SOX5: variants seen among roughly 807,000 people sequenced by gnomAD.
SOX5 encodes SRY-box transcription factor 5.
In SOX5, 9 loss-of-function variants were observed where a neutral mutation model predicts 92.0. The ratio of observed to expected loss-of-function variants is 0.10; its 90% confidence interval spans 0.06 to 0.17. The LOEUF is 0.17. SOX5 is among the 10% of genes least tolerant of loss of function. SOX5 has a pLI of 1.00. For missense variants in SOX5, 642 were observed against 944.5 expected (o/e 0.68, Z 4.20); for synonymous variants, 344 against 336.3 (o/e 1.02, Z -0.25).
rs929277250 is a variant in SOX5, at chr12:23,662,571, C to T, written c.931+2873G>A. ...CATTTTGTGGGTTTCCATTCCACAC[C>T]ATATTTCAGCTGTTATATATTTCTT... On this transcript the variant is annotated intron_variant, in intron 7 of 14. Transcript: ENST00000451604. Among the ~76,000 whole-genome samples, 2 of 152,150 alleles carry T rather than the reference C, an allele frequency of 1.3e-5. 1 individual carries two copies. The highest frequency in any genetic ancestry group is 4.1e-4 in the South Asian group (2 of 4,830).
At position 23,821,409 on chromosome 12, in the gene SOX5, G is replaced by A. The variant is rs151304613; in HGVS notation, c.481+24574C>T. ...ACTTCCTCTCTTCCTATTTGAATAC[G>A]CTTTATTTCTTTCTCTTGCCTGACT... On this transcript the variant is annotated intron_variant, in intron 3 of 14. Coordinates refer to ENST00000451604, the MANE Select transcript of SOX5 (RefSeq NM_006940.6). Among the ~76,000 whole-genome samples, 1,275 of 152,178 alleles carry A rather than the reference G, an allele frequency of 8.4e-3. 9 individuals are homozygous for A. The highest frequency in any genetic ancestry group is 0.027 in the Middle Eastern group (8 of 294).
intron 4 of SOX5, among the ~76,000 whole-genome samples, chr12:24,154,400 TA>T (rs2138877668): frequency 1.3e-5 from 2 of 152,290 alleles, no homozygotes; most frequent in African/African-American, 4.8e-5. Flanking sequence ...GATACATGCG[TA>T]ATGCAAAGGC....
At chr12:24,010,307 T>C (rs7136518) in intron 4 of SOX5, among the ~76,000 whole-genome samples, 52,989 of 152,042 alleles carry the variant, frequency 0.35, 10,050 homozygotes, top group East Asian at 0.61. Flanking sequence ...GGTGCATCTC[T>C]AGGATTATGT....
chr12:24,186,560 G>A (rs555716780), intron 4 of SOX5, among the ~76,000 whole-genome samples: 2 of 152,112 alleles, frequency 1.3e-5, no homozygotes, highest in East Asian at 3.9e-4. Context: ...AAAATAGAAA[G>A]CAAAACTAAT....
chr12:24,280,928 C>T (rs571859045), intron 2 of SOX5, among the ~76,000 whole-genome samples: 1 of 147,576 alleles, frequency 6.8e-6, no homozygotes, highest in South Asian at 2.1e-4. Context: ...TATAGGGCAA[C>T]CCAGTACAAA....
At chr12:24,170,239 C>T (rs916806750) in intron 4 of SOX5, among the ~76,000 whole-genome samples, 1 of 152,148 alleles carries the variant, frequency 6.6e-6, no homozygotes, top group African/African-American at 2.4e-5. Context: ...TAGCAGGCAG[C>T]GCTAGTGCAA....
intron 3 of SOX5, among the ~76,000 whole-genome samples, chr12:23,779,814 T>TATATATACAC (rs777013504): frequency 0.024 from 2,641 of 110,484 alleles, 62 homozygotes; most frequent in African/African-American, 0.05. Context: ...TATATATATA[T>TATATATACAC]ACACACACAC....
chr12:24,314,061 A>T (rs1949466490), intron 2 of SOX5, among the ~76,000 whole-genome samples: 1 of 152,118 alleles, frequency 6.6e-6, no homozygotes, highest in Non-Finnish European at 1.5e-5. Flanking sequence ...ACCACTTCTA[A>T]CCACATGTAC....
At chr12:23,860,971 A>C (rs893971959) in intron 2 of SOX5, among the ~76,000 whole-genome samples, 2 of 148,672 alleles carry the variant, frequency 1.3e-5, no homozygotes, top group African/African-American at 4.9e-5. Context: ...AAAAAAAAAA[A>C]AAAAAAACCC....
chr12:23,981,313 C>T (rs1233040965), intron 4 of SOX5, among the ~76,000 whole-genome samples: 2 of 152,130 alleles, frequency 1.3e-5, no homozygotes, highest in African/African-American at 4.8e-5. Flanking sequence ...TCTTTCCATT[C>T]TGAGAAACTC....
chr12:23,557,327 A>G (rs1182396668), intron 11 of SOX5, among the ~76,000 whole-genome samples: 1 of 152,256 alleles, frequency 6.6e-6, no homozygotes, highest in Admixed American at 6.5e-5. Flanking sequence ...AGAAAATTAC[A>G]AAGAATTTTC....
chr12:24,497,095 A>G (rs1266612132), intron 1 of SOX5, among the ~76,000 whole-genome samples: 1 of 152,218 alleles, frequency 6.6e-6, no homozygotes, highest in Non-Finnish European at 1.5e-5. Context: ...TATAAAATGA[A>G]AGTTATAGGT....
chr12:24,465,119 A>G (rs1944084003), intron 1 of SOX5, among the ~76,000 whole-genome samples: 1 of 152,138 alleles, frequency 6.6e-6, no homozygotes, highest in African/African-American at 2.4e-5. Context: ...ATGTTACACA[A>G]CTCTGTGAGG....
intron 6 of SOX5, among the ~76,000 whole-genome samples, chr12:23,683,679 T>G (rs1034297602): frequency 2.0e-5 from 3 of 151,978 alleles, no homozygotes; most frequent in Admixed American, 1.3e-4. Flanking sequence ...TACACATTGA[T>G]CAGCAATAGA....
chr12:23,844,231 A>G (rs2096550498), intron 3 of SOX5, among the ~76,000 whole-genome samples: 1 of 152,202 alleles, frequency 6.6e-6, no homozygotes, highest in Non-Finnish European at 1.5e-5. Context: ...CAGCAATGAG[A>G]GAGAGTATCC....
At chr12:23,983,854 A>G (rs888715379) in intron 4 of SOX5, among the ~76,000 whole-genome samples, 14 of 152,188 alleles carry the variant, frequency 9.2e-5, no homozygotes, top group Admixed American at 3.9e-4. Flanking sequence ...ATTATCCTCT[A>G]AATATATTTT....
At chr12:23,991,467 T>C (rs1486316445) in intron 4 of SOX5, among the ~76,000 whole-genome samples, 1 of 151,936 alleles carries the variant, frequency 6.6e-6, no homozygotes, top group Non-Finnish European at 1.5e-5. Context: ...AATAACCTCA[T>C]GTCAGATTAG....
chr12:24,096,684 C>G (rs901735164), intron 4 of SOX5, among the ~76,000 whole-genome samples: 8 of 152,116 alleles, frequency 5.3e-5, no homozygotes, highest in Admixed American at 5.2e-4. Context: ...ACTGTATGTA[C>G]AGACACATGT....
intron 5 of SOX5, chr12:23,738,542 T>C (rs944390273): frequency 2.0e-5 from 3 of 152,096 alleles, no homozygotes; most frequent in African/African-American, 7.2e-5. Context: ...TAGGGGTTTG[T>C]AAAGTTCCAA....
Sources: gnomAD v4.1 joint callset for allele counts (sites outside exome capture counted in the v4.1 genomes callset) on GRCh38, gnomAD v4.1.1 for gene constraint, MANE v1.5 for transcripts, NCBI Gene and HGNC (gene_info 2026-07-23, HGNC 2026-07-21) for gene names.